The following KATNIP variants were observed in gnomAD, a reference collection of about 807,000 sequenced individuals.
KATNIP encodes katanin-interacting protein.
In KATNIP, 126 loss-of-function variants were observed where a neutral mutation model predicts 174.0. That is an observed-to-expected ratio of 0.72 (90% CI 0.63 to 0.84). The LOEUF (loss-of-function observed/expected upper bound fraction) is 0.84. KATNIP is among the 40% of genes least tolerant of loss of function. KATNIP has a pLI of 0.00. For missense variants in KATNIP, 1,958 were observed against 2,109.7 expected (o/e 0.93, Z 1.41); for synonymous variants, 810 against 835.7 (o/e 0.97, Z 0.53).
rs1361317799 is a variant in KATNIP at position 27,777,922 on chromosome 16, AC to A, written c.4756del (p.Gln1586LysfsTer36). On this transcript the variant is annotated frameshift_variant, in exon 27 of 28. Coordinates refer to ENST00000261588, the MANE Select transcript of KATNIP (RefSeq NM_015202.5). LOFTEE classifies it high-confidence loss of function. This position sits in a 1 kb window ranked among gnomAD's most constrained non-coding sequence, Gnocchi z 4.4. Reference protein sequence around the residue: ...EDQDVQMMNENQIITNAKRKQ... With the variant: ...EDQDVQMMNEXQIITNAKRKQ... ...CAAGATGTCCAGATGATGAATGAAA[AC>A]CAAATCATTACCAACGCGAAACGGA... 6.2e-7 allele frequency: 1 copy of A among 1,614,032 alleles called. No homozygotes were observed. The highest frequency in any genetic ancestry group is 8.5e-7 in the Non-Finnish European group (1 of 1,180,020).
intron 18 of KATNIP, among the ~76,000 whole-genome samples, chr16:27,756,468 C>T (rs2143928746): frequency 6.6e-6 from 1 of 152,312 alleles, no homozygotes; most frequent in African/African-American, 2.4e-5. Flanking sequence ...GATGGAGTCA[C>T]CTACCTAAGG....
chr16:27,689,102 A>G (rs1476433877), intron 8 of KATNIP, among the ~76,000 whole-genome samples: 2 of 152,238 alleles, frequency 1.3e-5, no homozygotes, highest in Admixed American at 1.3e-4. Context: ...AGCCACTGCT[A>G]TCCATTTCAT....
chr16:27,616,887 TAAAAAAAAAAAAAAAA>T lies in KATNIP; in HGVS notation c.64-1515_64-1500del, dbSNP rs556687403. Among the ~76,000 whole-genome samples the T allele has an allele frequency of 3.8e-3, 119 of 31,428 alleles. 1 individual carries two copies. Among genetic ancestry groups the T allele is most frequent in the Admixed American group, 0.014 (20 of 1,436 alleles). 20.6% of individuals were successfully genotyped at this position (31,428 alleles called of 152,430 possible). A position where few individuals can be genotyped will look rare whatever the true frequency, so the allele number is the denominator to read the frequency against. On this transcript the variant is annotated intron_variant, in intron 2 of 27. Coordinates refer to ENST00000261588, the MANE Select transcript of KATNIP (RefSeq NM_015202.5). Reference sequence around the variant, plus strand: ...CAACATAGTGAGATGCCATCTCTACTAAAAAAAAAAAAAAAAAAAAAAAAAAAAAAAAAAAAAATGC... The same window carrying T: ...CAACATAGTGAGATGCCATCTCTACTAAAAAAAAAAAAAAAAAAAAAATGC...
chr16:27,698,941 A>G (rs1365574887), intron 9 of KATNIP, among the ~76,000 whole-genome samples: 12 of 152,130 alleles, frequency 7.9e-5, no homozygotes. Context: ...CTTGTTCACA[A>G]AACCTCTCTG....
chr16:27,572,189 G>A (rs1322665521), intron 1 of KATNIP, among the ~76,000 whole-genome samples: 1 of 152,010 alleles, frequency 6.6e-6, no homozygotes. Flanking sequence ...GCCAAGTGGG[G>A]TGGATCACAT....
intron 17 of KATNIP, among the ~76,000 whole-genome samples, chr16:27,753,333 C>T (rs2143855847): frequency 6.6e-6 from 1 of 152,270 alleles, no homozygotes; most frequent in South Asian, 2.1e-4. Flanking sequence ...CTGATTCGAC[C>T]CAGGGGTCTC....
At chr16:27,660,725 A>G (rs1377843824) in intron 6 of KATNIP, among the ~76,000 whole-genome samples, 2 of 150,850 alleles carry the variant, frequency 1.3e-5, no homozygotes, top group Non-Finnish European at 2.9e-5. Context: ...ATAGTGCACT[A>G]CAGCCTCAAA....
chr16:27,775,936 G>T (rs1184313148), intron 24 of KATNIP, among the ~76,000 whole-genome samples: 1 of 152,174 alleles, frequency 6.6e-6, no homozygotes, highest in Non-Finnish European at 1.5e-5. Context: ...AGCTTCCCCT[G>T]CCCCATTGCA....
intron 2 of KATNIP, among the ~76,000 whole-genome samples, chr16:27,576,208 C>T (rs939193316): frequency 3.9e-5 from 6 of 152,176 alleles, no homozygotes; most frequent in East Asian, 1.9e-4. Context: ...TCTCTAGCTA[C>T]GGGACTCCCC....
chr16:27,562,468 C>T (rs1239636206), intron 1 of KATNIP, among the ~76,000 whole-genome samples: 1 of 152,164 alleles, frequency 6.6e-6, no homozygotes, highest in Admixed American at 6.5e-5. Context: ...CATCTCTTTC[C>T]TTAGGATTCT....
chr16:27,686,109 A>G (rs1353232032), intron 8 of KATNIP, among the ~76,000 whole-genome samples: 2 of 152,264 alleles, frequency 1.3e-5, no homozygotes, highest in East Asian at 1.9e-4. Context: ...CACTGGCATC[A>G]TGCTCAGAAC....
At chr16:27,599,744 C>T (rs1185323032) in intron 2 of KATNIP, among the ~76,000 whole-genome samples, 2 of 152,212 alleles carry the variant, frequency 1.3e-5, no homozygotes, top group African/African-American at 4.8e-5. Context: ...GCTGTCCGCT[C>T]CAGGAGCACC....
chr16:27,698,684 C>T lies in KATNIP; in HGVS notation c.1113+184C>T, dbSNP rs62029139. Among the ~76,000 whole-genome samples, 19 of 152,366 alleles carry T rather than the reference C, an allele frequency of 1.2e-4. No homozygotes were observed. The South Asian group carries it at 1.7e-3, about 13-fold the overall frequency. On this transcript the variant is annotated intron_variant, in intron 9 of 27. Transcript: ENST00000261588. The stretch of plus-strand genomic sequence containing the variant: ...GACCTGCTAAGGCTCCCTTTTCTTC[C>T]GCCTTCTTTTAGCTCTTTATTTCAC...
chr16:27,597,572 G>A (rs1030550360), intron 2 of KATNIP, among the ~76,000 whole-genome samples: 6 of 151,894 alleles, frequency 4.0e-5, no homozygotes, highest in East Asian at 3.8e-4. Flanking sequence ...CTGTTGCATC[G>A]GATTCCCTGG....
At position 27,742,181 on chromosome 16, in the gene KATNIP, G is replaced by A. The variant is rs76260047; in HGVS notation, c.2623+1261G>A. On this transcript the variant is annotated intron_variant, in intron 15 of 27. Coordinates refer to ENST00000261588, the MANE Select transcript of KATNIP (RefSeq NM_015202.5). The stretch of plus-strand genomic sequence containing the variant: ...CAGGGAGTCTCAATATTTGCACTCA[G>A]ACTTGGCTCCTGGAGAGTACGGATA... Among the ~76,000 whole-genome samples, 24 of 152,278 alleles carry A rather than the reference G, an allele frequency of 1.6e-4. No homozygotes were observed. In the East Asian group the frequency reaches 4.6e-3, roughly 29 times the overall value.
rs141391691 is a variant in KATNIP at position 27,555,080 on chromosome 16, G to GAGCCA, written c.7+4904_7+4908dup. On this transcript the variant is annotated intron_variant, in intron 1 of 27. Transcript: ENST00000261588. ...CCCAAAGTGCTGGGATTATAGCCAT[G>GAGCCA]AGCCACCGCACCTGGCCCTGATTTA... Among the ~76,000 whole-genome samples the GAGCCA allele has an allele frequency of 8.5e-4, 130 of 152,170 alleles. 3 individuals are homozygous for GAGCCA. The highest frequency in any genetic ancestry group is 2.1e-3 in the Admixed American group (32 of 15,282).
intron 20 of KATNIP, among the ~76,000 whole-genome samples, chr16:27,767,646 G>C (rs2082169202): frequency 6.6e-6 from 1 of 152,190 alleles, no homozygotes; most frequent in Non-Finnish European, 1.5e-5. Flanking sequence ...CCCAGGTTGA[G>C]GCTGCAGTGA....
intron 1 of KATNIP, among the ~76,000 whole-genome samples, chr16:27,552,565 G>T (rs187350989): frequency 6.6e-6 from 1 of 151,150 alleles, no homozygotes; most frequent in African/African-American, 2.4e-5. Context: ...TAGTAGACAT[G>T]GGGTTTCCCC....
intron 5 of KATNIP, among the ~76,000 whole-genome samples, chr16:27,635,814 G>A (rs2076617544): frequency 6.6e-6 from 1 of 152,110 alleles, no homozygotes; most frequent in South Asian, 2.1e-4. Context: ...GCTTTTAAAA[G>A]ACTTTTCGAA....
Sources: allele counts gnomAD v4.1 joint callset (sites outside exome capture counted in the v4.1 genomes callset), GRCh38; gene constraint gnomAD v4.1.1; non-coding constraint Gnocchi (gnomAD v3.1); transcripts MANE v1.5; gene names NCBI Gene and HGNC (gene_info 2026-07-23, HGNC 2026-07-21).